TNR: variants seen among roughly 807,000 people sequenced by gnomAD.
The protein encoded by TNR is tenascin-R.
A neutral mutation model predicts 150.4 loss-of-function variants in TNR; 45 were observed. That is an observed-to-expected ratio of 0.30 (90% CI 0.24 to 0.38). TNR has a LOEUF of 0.38. Ranked by LOEUF, TNR falls within the 10% of genes least tolerant of loss-of-function variation. TNR has a pLI of 1.00. For missense variants in TNR, 1,544 were observed against 1,759.1 expected (o/e 0.88, Z 2.19); for synonymous variants, 687 against 678.4 (o/e 1.01, Z -0.20).
In TNR at chr1:175,324,523, CAA is replaced by C; in HGVS notation, c.3794-6_3794-5del. 6.2e-7 allele frequency: 1 copy of C among 1,605,760 alleles called. No homozygotes were observed. Among genetic ancestry groups the C allele is most frequent in the Non-Finnish European group, 8.5e-7 (1 of 1,177,488 alleles). ...TGATGATAGCTGAGGGAGTCCCCTG[CAA>C]AAAAGATACATTCATTAGGCTGTCC... On this transcript the variant is annotated splice_region_variant and splice_polypyrimidine_tract_variant and intron_variant, in intron 21 of 22. Transcript: ENST00000367674.
At chr1:175,650,873 C>T (rs1404620677) in intron 1 of TNR, among the ~76,000 whole-genome samples, 1 of 76,166 alleles carries the variant, frequency 1.3e-5, no homozygotes, top group African/African-American at 5.7e-5. Context: ...CCTCATTCCT[C>T]CTCCTCCCCA....
intron 1 of TNR, among the ~76,000 whole-genome samples, chr1:175,583,409 G>T (rs1662441013): frequency 6.6e-6 from 1 of 152,200 alleles, no homozygotes; most frequent in African/African-American, 2.4e-5. Flanking sequence ...TGCAAGAATT[G>T]CGAGACACCC....
chr1:175,463,752 A>T (rs77617172), intron 2 of TNR, among the ~76,000 whole-genome samples: 4,076 of 152,306 alleles, frequency 0.027, 75 homozygotes, highest in Non-Finnish European at 0.028. Flanking sequence ...ATTGATCAAG[A>T]TTACCCCTTC....
chr1:175,463,271 G>A (rs371515058), intron 2 of TNR, among the ~76,000 whole-genome samples: 49 of 152,256 alleles, frequency 3.2e-4, no homozygotes, highest in African/African-American at 1.2e-3. Flanking sequence ...TTTTTCCAGA[G>A]ATTTCAGCCC....
At chr1:175,508,121 C>T (rs1199416681) in intron 2 of TNR, among the ~76,000 whole-genome samples, 1 of 151,584 alleles carries the variant, frequency 6.6e-6, no homozygotes, top group Non-Finnish European at 1.5e-5. Context: ...GGGGTGGGGG[C>T]AAGGGAAGGG....
At chr1:175,625,893 G>A (rs887431467) in intron 1 of TNR, among the ~76,000 whole-genome samples, 1 of 152,136 alleles carries the variant, frequency 6.6e-6, no homozygotes, top group Non-Finnish European at 1.5e-5. Context: ...CCTGGATATG[G>A]CTTGGCTCTG....
chr1:175,492,390 A>G (rs1262750098), intron 2 of TNR, among the ~76,000 whole-genome samples: 4 of 152,212 alleles, frequency 2.6e-5, no homozygotes, highest in African/African-American at 4.8e-5. Flanking sequence ...GCTTGCTTAC[A>G]AAATGATTTC....
chr1:175,584,264 G>A (rs76548446), intron 1 of TNR, among the ~76,000 whole-genome samples: 2,560 of 152,256 alleles, frequency 0.017, 66 homozygotes, highest in African/African-American at 0.059. Flanking sequence ...ACATGACAGA[G>A]GGAAGATGAT....
At chr1:175,697,063 C>T (rs574187451) in intron 1 of TNR, among the ~76,000 whole-genome samples, 1 of 151,794 alleles carries the variant, frequency 6.6e-6, no homozygotes, top group African/African-American at 2.4e-5. Context: ...AAACCAGAAA[C>T]CTGTTTATCC....
intron 1 of TNR, among the ~76,000 whole-genome samples, chr1:175,548,719 C>T (rs1411268982): frequency 6.6e-6 from 1 of 151,148 alleles, no homozygotes; most frequent in Non-Finnish European, 1.5e-5. Flanking sequence ...GAGCACCCGA[C>T]AGTGAAGGTT....
chr1:175,436,559 T>A (rs12131701), intron 2 of TNR, among the ~76,000 whole-genome samples: 81 of 152,154 alleles, frequency 5.3e-4, no homozygotes, highest in Non-Finnish European at 1.0e-3. Context: ...ATGGGCTAAA[T>A]GCCCCAATTA....
intron 2 of TNR, among the ~76,000 whole-genome samples, chr1:175,476,689 GCTAA>G (rs1657557115): frequency 1.3e-5 from 2 of 152,156 alleles, no homozygotes; most frequent in Admixed American, 6.5e-5. Context: ...TAATTTATCT[GCTAA>G]CTGATTTTTG....
chr1:175,386,676 C>G (rs890523421), intron 7 of TNR, among the ~76,000 whole-genome samples: 1 of 152,086 alleles, frequency 6.6e-6, no homozygotes, highest in African/African-American at 2.4e-5. Flanking sequence ...CCACTCAGCT[C>G]TCACCTCTTT....
chr1:175,457,658 A>G (rs984236772), intron 2 of TNR, among the ~76,000 whole-genome samples: 8 of 152,252 alleles, frequency 5.3e-5, no homozygotes, highest in East Asian at 1.9e-4. Context: ...AAACAGAAAG[A>G]AAAAAGAGCT....
Position 175,319,697 on chromosome 1 carries a change from T to C in TNR, c.*3660A>G, listed in dbSNP as rs1297461811. 1 of 152,254 alleles carries C rather than the reference T, an allele frequency of 6.6e-6. No individual in the cohort carries two copies. Among genetic ancestry groups the C allele is most frequent in the African/African-American group, 2.4e-5 (1 of 41,448 alleles). 9.4% of individuals were successfully genotyped at this position (152,254 alleles called of 1,614,324 possible). ...TTGTTGTTGTTCTTTTACAAATCAA[T>C]CTCCCATACAAATCAGCTGGCCGGT... On this transcript the variant is annotated 3_prime_UTR_variant, in exon 23 of 23. Transcript: ENST00000367674.
In TNR at chr1:175,599,837, T is replaced by G. The variant is rs1663165144; in HGVS notation, c.-164-71468A>C. ...ACACTTCCCAGATAGCAAGGAGGGG[T>G]GATTCGGATTCAACTCTTGCTGCAA... On this transcript the variant is annotated intron_variant, in intron 1 of 22. Coordinates refer to ENST00000367674, the MANE Select transcript of TNR (RefSeq NM_003285.3). This position sits in a 1 kb window ranked among gnomAD's most constrained non-coding sequence, Gnocchi z 4.7. Among the ~76,000 whole-genome samples the G allele has an allele frequency of 1.3e-5, 2 of 151,904 alleles. No individual in the cohort carries two copies. Among genetic ancestry groups the G allele is most frequent in the Admixed American group, 1.3e-4 (2 of 15,256 alleles).
rs371591261 is a variant in TNR, at chr1:175,709,308, T to TACAC, written c.-165+33914_-165+33917dup. On this transcript the variant is annotated intron_variant, in intron 1 of 22. Transcript: ENST00000367674. ...TCCCTTGCTTTCACACACACACACA[T>TACAC]ACACACACACACACACACACACACA... 8.9e-3 allele frequency among the ~76,000 whole-genome samples: 1,138 copies of TACAC among 127,812 alleles called. 10 individuals are homozygous for TACAC. The highest frequency in any genetic ancestry group is 0.021 in the African/African-American group (684 of 32,664). 83.8% of individuals were successfully genotyped at this position (127,812 alleles called of 152,430 possible).
chr1:175,478,917 A>G (rs1333080190), intron 2 of TNR, among the ~76,000 whole-genome samples: 1 of 152,212 alleles, frequency 6.6e-6, no homozygotes, highest in African/African-American at 2.4e-5. Context: ...AGGACTTTAG[A>G]CTATGGTTAC....
chr1:175,666,245 A>G (rs983368479), intron 1 of TNR, among the ~76,000 whole-genome samples: 3 of 152,234 alleles, frequency 2.0e-5, no homozygotes, highest in African/African-American at 7.2e-5. Flanking sequence ...GTGTCCTTTA[A>G]GATGGGACAT....
Sources: gnomAD v4.1 joint callset for allele counts (sites outside exome capture counted in the v4.1 genomes callset) on GRCh38, gnomAD v4.1.1 for gene constraint, Gnocchi (gnomAD v3.1) non-coding constraint, MANE v1.5 for transcripts, NCBI Gene and HGNC (gene_info 2026-07-23, HGNC 2026-07-21) for gene names.